The following FAM118B variants were observed in gnomAD, a reference collection of about 807,000 sequenced individuals.
FAM118B encodes protein FAM118B.
FAM118B carries 24 observed loss-of-function variants against 38.5 expected under a neutral mutation model. The observed-to-expected ratio is 0.62, with a 90% CI of 0.45 to 0.88. The LOEUF is 0.88. FAM118B is among the 40% of genes least tolerant of loss of function. The probability of loss-of-function intolerance (pLI) is 0.00; values close to 1 mark genes in which losing one functional copy is unlikely to be tolerated. For missense variants in FAM118B, 334 were observed against 420.0 expected (o/e 0.80, Z 1.79); for synonymous variants, 138 against 156.3 (o/e 0.88, Z 0.87).
chr11:126,240,699 T>C (rs1950344346), intron 3 of FAM118B, 93 bp from the exon 4 acceptor site: 2 of 1,320,644 alleles, frequency 1.5e-6, no homozygotes, highest in Admixed American at 4.7e-5. Context: ...ACTATAAAAG[T>C]TAGCTAAAAA....
At chr11:126,217,855 T>C (rs1950000865) in intron 1 of FAM118B, among the ~76,000 whole-genome samples, 1 of 152,276 alleles carries the variant, frequency 6.6e-6, no homozygotes, top group Non-Finnish European at 1.5e-5. Context: ...TAAGGTTCTC[T>C]CAGAATGTTG....
chr11:126,249,560 G>C (rs181960879), intron 4 of FAM118B, among the ~76,000 whole-genome samples: 90 of 151,762 alleles, frequency 5.9e-4, no homozygotes, highest in African/African-American at 2.1e-3. Context: ...GTGAAACCCC[G>C]TCTCTACTAA....
At chr11:126,240,567 G>A (rs1950342737) in intron 3 of FAM118B, among the ~76,000 whole-genome samples, 1 of 152,088 alleles carries the variant, frequency 6.6e-6, no homozygotes, top group Non-Finnish European at 1.5e-5. Context: ...TTTAAGATTG[G>A]TTTTGGGATT....
chr11:126,247,465 T>G (rs1950432537), intron 4 of FAM118B, among the ~76,000 whole-genome samples: 1 of 152,172 alleles, frequency 6.6e-6, no homozygotes, highest in Non-Finnish European at 1.5e-5. Context: ...TTTTCTATTC[T>G]TTTTCTTAGA....
chr11:126,228,813 C>T (rs1454454280), intron 1 of FAM118B, among the ~76,000 whole-genome samples: 2 of 152,128 alleles, frequency 1.3e-5, no homozygotes, highest in South Asian at 2.1e-4. Flanking sequence ...CCCGCCTTGG[C>T]CCCCCAAAGT....
chr11:126,212,788 G>A (rs1384359489), intron 1 of FAM118B, among the ~76,000 whole-genome samples: 2 of 152,222 alleles, frequency 1.3e-5, no homozygotes, highest in Non-Finnish European at 2.9e-5. Context: ...AAGTTGATCA[G>A]GTGGAGCTAC....
rs1221163933 is a variant in FAM118B at position 126,256,857 on chromosome 11, G to C, written c.982+5G>C. 1 of 1,603,206 alleles carries C rather than the reference G, an allele frequency of 6.2e-7. No homozygotes were observed. The highest frequency in any genetic ancestry group is 8.5e-7 in the Non-Finnish European group (1 of 1,173,664). ...TCTCCACAAGGGGTACATCAGGTAA[G>C]ATGCATTTTGAAGCTGAGGGGAATC... On this transcript the variant is annotated splice_donor_5th_base_variant and intron_variant, in intron 7 of 8. Coordinates refer to ENST00000533050, the MANE Select transcript of FAM118B (RefSeq NM_024556.4). The surrounding 1 kb of genome is among the most constrained non-coding windows in gnomAD (Gnocchi z 6.6).
chr11:126,261,357 G>GT, intron 7 of FAM118B, 68 bp from the exon 8 acceptor site: 1 of 1,338,816 alleles, frequency 7.5e-7, no homozygotes. Flanking sequence ...TCTCCCTTTA[G>GT]TTTTCTTTTT....
chr11:126,230,970 C>T (rs1382111298), intron 2 of FAM118B, among the ~76,000 whole-genome samples: 1 of 152,208 alleles, frequency 6.6e-6, no homozygotes, highest in African/African-American at 2.4e-5. Context: ...CATATTTCTT[C>T]TGGATTTTTT....
Position 126,243,717 on chromosome 11 carries a change from A to G in FAM118B, c.339+2673A>G, listed in dbSNP as rs192261196. Among the ~76,000 whole-genome samples, 504 of 152,220 alleles carry G rather than the reference A, an allele frequency of 3.3e-3. 3 individuals are homozygous for G. Among genetic ancestry groups the G allele is most frequent in the Non-Finnish European group, 4.8e-3 (329 of 68,016 alleles). On this transcript the variant is annotated intron_variant, in intron 4 of 8. Coordinates refer to ENST00000533050, the MANE Select transcript of FAM118B (RefSeq NM_024556.4). Reference sequence around the variant, plus strand: ...TCAGGAGTTCGAGATCAGCCGGACCAACATGGCAAAACCCTGTCTCTACTA... The same window carrying G: ...TCAGGAGTTCGAGATCAGCCGGACCGACATGGCAAAACCCTGTCTCTACTA...
At chr11:126,249,780 A>G (rs1030336647) in intron 4 of FAM118B, among the ~76,000 whole-genome samples, 3 of 150,196 alleles carry the variant, frequency 2.0e-5, no homozygotes, top group Non-Finnish European at 4.4e-5. Context: ...ATGCCAAACC[A>G]CAATTAGGGC....
At chr11:126,213,044 G>GTA (rs764474803) in intron 1 of FAM118B, among the ~76,000 whole-genome samples, 2 of 152,160 alleles carry the variant, frequency 1.3e-5, no homozygotes, top group African/African-American at 2.4e-5. Context: ...CCCCTACACT[G>GTA]TAACTCCTTT....
At chr11:126,217,176 A>G (rs1371738488) in intron 1 of FAM118B, among the ~76,000 whole-genome samples, 1 of 152,238 alleles carries the variant, frequency 6.6e-6, no homozygotes, top group Non-Finnish European at 1.5e-5. Flanking sequence ...TCTCTCATCA[A>G]TGTTATGAAA....
intron 2 of FAM118B, among the ~76,000 whole-genome samples, chr11:126,230,550 T>C (rs916420962): frequency 3.3e-5 from 5 of 152,394 alleles, no homozygotes; most frequent in African/African-American, 1.2e-4. Flanking sequence ...CTGATCCTTT[T>C]ACAGCAAGAA....
chr11:126,231,026 G>T (rs1950200636), intron 2 of FAM118B, among the ~76,000 whole-genome samples: 1 of 152,158 alleles, frequency 6.6e-6, no homozygotes, highest in Non-Finnish European at 1.5e-5. Flanking sequence ...AGAGATAGAA[G>T]CATTACATTT....
intron 2 of FAM118B, among the ~76,000 whole-genome samples, chr11:126,234,770 A>T (rs192882249): frequency 6.6e-6 from 1 of 152,348 alleles, no homozygotes; most frequent in East Asian, 1.9e-4. Context: ...AGATGGTAGT[A>T]TGGAGCACCA....
intron 2 of FAM118B, among the ~76,000 whole-genome samples, chr11:126,229,803 C>G (rs914745493): frequency 6.6e-6 from 1 of 152,208 alleles, no homozygotes; most frequent in Admixed American, 6.5e-5. Flanking sequence ...AGTTAAAGGG[C>G]ATTCTAGAAT....
In FAM118B at chr11:126,256,848, A is replaced by C; in HGVS notation, c.978A>C (p.Thr326=). The part of the protein sequence containing the change: ...RLTCEISTRG[T]SAGMVREGQL... ...CATGTGAGATCTCCACAAGGGGTAC[A>C]TCAGGTAAGATGCATTTTGAAGCTG... The change falls in exon 7 of 9, where the codon ACA becomes ACC. Residue 326 remains threonine, a synonymous_variant. Transcript: ENST00000533050. This position sits in a 1 kb window ranked among gnomAD's most constrained non-coding sequence, Gnocchi z 6.6. The C allele has an allele frequency of 1.9e-6, 3 of 1,609,438 alleles. No individual in the cohort carries two copies. The highest frequency in any genetic ancestry group is 1.7e-6 in the Non-Finnish European group (2 of 1,177,266).
chr11:126,259,212 G>C (rs2135221010), intron 7 of FAM118B, among the ~76,000 whole-genome samples: 1 of 152,186 alleles, frequency 6.6e-6, no homozygotes, highest in South Asian at 2.1e-4. Flanking sequence ...ACTAATGAGA[G>C]GTTACAGGTC....
Sources: gnomAD v4.1 joint callset for allele counts (sites outside exome capture counted in the v4.1 genomes callset) on GRCh38, gnomAD v4.1.1 for gene constraint, Gnocchi (gnomAD v3.1) non-coding constraint, MANE v1.5 for transcripts, NCBI Gene and HGNC (gene_info 2026-07-23, HGNC 2026-07-21) for gene names.